Variants in RYR2 observed in about 807,000 individuals in gnomAD.
RYR2 encodes ryanodine receptor 2.
Under a neutral mutation model 601.1 loss-of-function variants are expected in RYR2, and 227 were observed. The observed-to-expected ratio is 0.38, with a 90% CI of 0.34 to 0.42. The LOEUF (loss-of-function observed/expected upper bound fraction) is 0.42. Ranked by LOEUF, RYR2 falls within the 10% of genes least tolerant of loss-of-function variation. RYR2 has a pLI of 1.00. For synonymous variants in RYR2, 2,223 were observed against 2,175.1 expected, an observed-to-expected ratio of 1.02 and a Z score of -0.61; for missense variants, 4,646 against 6,156.5, an observed-to-expected ratio of 0.75 and a Z score of 8.21.
intron 16 of RYR2, among the ~76,000 whole-genome samples, chr1:237,457,761 T>C (rs148522065): frequency 3.3e-5 from 5 of 152,274 alleles, no homozygotes; most frequent in Non-Finnish European, 5.9e-5. Flanking sequence ...AGCCTTCCAA[T>C]GACAAATTTG....
chr1:237,825,859 A>T (rs568423468), intron 101 of RYR2, among the ~76,000 whole-genome samples: 2 of 152,354 alleles, frequency 1.3e-5, no homozygotes, highest in African/African-American at 4.8e-5. Context: ...TGGGTGAAGG[A>T]TATGAACAGA....
chr1:237,075,201 C>T (rs1379234462), intron 1 of RYR2, among the ~76,000 whole-genome samples: 1 of 152,008 alleles, frequency 6.6e-6, no homozygotes, highest in Non-Finnish European at 1.5e-5. Context: ...TTGGCCCATG[C>T]ATTTTTCTCT....
intron 17 of RYR2, among the ~76,000 whole-genome samples, chr1:237,480,485 G>A (rs938954305): frequency 4.0e-5 from 6 of 150,850 alleles, no homozygotes; most frequent in Admixed American, 2.0e-4. Context: ...ACAAATAAAT[G>A]TTTGTATAGC....
chr1:237,408,817 T>C (rs1704162279), intron 10 of RYR2, among the ~76,000 whole-genome samples: 1 of 152,240 alleles, frequency 6.6e-6, no homozygotes, highest in Non-Finnish European at 1.5e-5. Flanking sequence ...GAACATGGAA[T>C]AGCTCTCAAT....
chr1:237,303,837 G>T (rs565591296), intron 2 of RYR2, among the ~76,000 whole-genome samples: 1 of 152,084 alleles, frequency 6.6e-6, no homozygotes, highest in African/African-American at 2.4e-5. Flanking sequence ...TTATCTTATT[G>T]CTTGAGAATA....
chr1:237,828,356 A>T, intron 101 of RYR2, 25 bp from the exon 102 acceptor site: 1 of 1,483,484 alleles, frequency 6.7e-7, no homozygotes, highest in Non-Finnish European at 9.2e-7. Flanking sequence ...GATAAAGATT[A>T]AATTGTGTTT....
intron 41 of RYR2, among the ~76,000 whole-genome samples, chr1:237,630,769 A>G (rs913318589): frequency 6.6e-5 from 10 of 152,286 alleles, no homozygotes; most frequent in Non-Finnish European, 1.3e-4. Context: ...TATTACAAGA[A>G]TATGTAATGC....
chr1:237,256,683 C>T (rs1214821160), intron 1 of RYR2, among the ~76,000 whole-genome samples: 1 of 152,158 alleles, frequency 6.6e-6, no homozygotes, highest in East Asian at 1.9e-4. Context: ...TTAATGAATT[C>T]CAAAGGATAT....
At chr1:237,404,731 A>G (rs1431009266) in intron 10 of RYR2, among the ~76,000 whole-genome samples, 1 of 152,188 alleles carries the variant, frequency 6.6e-6, no homozygotes, top group East Asian at 1.9e-4. Flanking sequence ...AGTTGACTTT[A>G]CGTTAATTGA....
At chr1:237,816,245 T>G (rs1558475999) in intron 100 of RYR2, among the ~76,000 whole-genome samples, 1 of 151,792 alleles carries the variant, frequency 6.6e-6, no homozygotes, top group Non-Finnish European at 1.5e-5. Context: ...CGGAGGAGAG[T>G]TGCAAACACA....
At chr1:237,340,954 G>A (rs1697718505) in intron 3 of RYR2, among the ~76,000 whole-genome samples, 1 of 152,122 alleles carries the variant, frequency 6.6e-6, no homozygotes, top group African/African-American at 2.4e-5. Context: ...CAGTTTTACT[G>A]CCTTTCTGTT....
chr1:237,806,089 T>G (rs769546262), intron 98 of RYR2, 48 bp from the exon 99 acceptor site: 10 of 1,557,898 alleles, frequency 6.4e-6, no homozygotes, highest in African/African-American at 1.4e-5. Context: ...ACAATAGTCA[T>G]GCGTTCTGTT....
At chr1:237,524,153 T>G (rs777413014) in intron 24 of RYR2, among the ~76,000 whole-genome samples, 10 of 152,300 alleles carry the variant, frequency 6.6e-5, no homozygotes, top group Middle Eastern at 3.4e-3. Flanking sequence ...AACTGGAAAC[T>G]GTGCAAATGT....
intron 63 of RYR2, among the ~76,000 whole-genome samples, chr1:237,694,659 C>T (rs1687259832): frequency 6.6e-6 from 1 of 152,100 alleles, no homozygotes; most frequent in Non-Finnish European, 1.5e-5. Context: ...TAGAGCGATA[C>T]AGATAATTCT....
chr1:237,404,176 C>A (rs567063559), intron 10 of RYR2, among the ~76,000 whole-genome samples: 1 of 152,242 alleles, frequency 6.6e-6, no homozygotes, highest in East Asian at 1.9e-4. Context: ...ATTGCTGGAG[C>A]CTGGGAGGTT....
At chr1:237,523,736 CAAA>C (rs71180032) in intron 24 of RYR2, among the ~76,000 whole-genome samples, 2 of 138,896 alleles carry the variant, frequency 1.4e-5, no homozygotes, top group Admixed American at 7.2e-5. Context: ...GATTCTGTCT[CAAA>C]AAAAAAAAAG....
chr1:237,612,212 A>T (rs889123849), intron 36 of RYR2, among the ~76,000 whole-genome samples: 2 of 152,254 alleles, frequency 1.3e-5, no homozygotes, highest in East Asian at 3.9e-4. Flanking sequence ...GATTTTATTT[A>T]ATTGAAAAGT....
intron 1 of RYR2, among the ~76,000 whole-genome samples, chr1:237,194,096 A>T (rs926958738): frequency 2.0e-5 from 3 of 152,202 alleles, no homozygotes; most frequent in African/African-American, 7.2e-5. Flanking sequence ...CCTGCATTCT[A>T]AATATTTCCT....
intron 23 of RYR2, among the ~76,000 whole-genome samples, chr1:237,507,159 G>T (rs1665352812): frequency 6.6e-6 from 1 of 152,182 alleles, no homozygotes; most frequent in South Asian, 2.1e-4. Flanking sequence ...AATTGAAAGT[G>T]AAAACTGAAA....
Sources: allele counts gnomAD v4.1 joint callset (sites outside exome capture counted in the v4.1 genomes callset), GRCh38; gene constraint gnomAD v4.1.1; transcripts MANE v1.5; gene names NCBI Gene and HGNC (gene_info 2026-07-23, HGNC 2026-07-21).